DNALI1: variants seen among roughly 807,000 people sequenced by gnomAD.
DNALI1 encodes the protein axonemal dynein light intermediate polypeptide 1.
A neutral mutation model predicts 33.9 loss-of-function variants in DNALI1; 31 were observed. That is an observed-to-expected ratio of 0.91 (90% CI 0.69 to 1.23). DNALI1 has a LOEUF of 1.23. DNALI1 is among the 50% of genes most tolerant of loss of function. The pLI is 0.00. For missense variants in DNALI1, 305 were observed against 323.8 expected (o/e 0.94, Z 0.44); for synonymous variants, 117 against 129.2 (o/e 0.91, Z 0.64).
Position 37,561,710 on chromosome 1 carries a change from AG to A in DNALI1, c.555del (p.Lys186SerfsTer22). 1 of 1,614,026 alleles carries A rather than the reference AG, an allele frequency of 6.2e-7. No individual in the cohort carries two copies. Among genetic ancestry groups the A allele is most frequent in the Non-Finnish European group, 8.5e-7 (1 of 1,179,922 alleles). ...FGMRKALQAEQGKSDMERKIA... is the reference protein window; with the variant it reads ...FGMRKALQAEXGKSDMERKIA... ...ATGAGGAAGGCACTGCAGGCTGAGC[AG>A]GGGAAGTCAGACATGGAGAGGAAAG... On this transcript the variant is annotated frameshift_variant, in exon 4 of 6. Transcript: ENST00000652629. LOFTEE classifies it high-confidence loss of function. This position sits in a 1 kb window ranked among gnomAD's most constrained non-coding sequence, Gnocchi z 4.6.
intron 2 of DNALI1, among the ~76,000 whole-genome samples, chr1:37,558,562 CT>C (rs1643400003): frequency 1.3e-5 from 2 of 152,298 alleles, no homozygotes; most frequent in African/African-American, 4.8e-5. Flanking sequence ...TATTCTGTTT[CT>C]TGTTCACTGT....
chr1:37,557,943 G>C, intron 2 of DNALI1, 195 bp downstream of exon 2: 1 of 679,606 alleles, frequency 1.5e-6, no homozygotes, highest in Admixed American at 3.2e-5. Context: ...CTCATTTCCT[G>C]CATGCTGTCA....
In DNALI1 at chr1:37,559,230, A is replaced by G; in HGVS notation, c.228-97A>G. 1 of 1,318,578 alleles carries G rather than the reference A, an allele frequency of 7.6e-7. No homozygotes were observed. Among genetic ancestry groups the G allele is most frequent in the Non-Finnish European group, 1.0e-6 (1 of 982,040 alleles). 81.7% of individuals were successfully genotyped at this position (1,318,578 alleles called of 1,614,324 possible). A position where few individuals can be genotyped will look rare whatever the true frequency, so the allele number is the denominator to read the frequency against. On this transcript the variant is annotated intron_variant, in intron 2 of 5. Transcript: ENST00000652629. The surrounding 1 kb of genome is among the most constrained non-coding windows in gnomAD (Gnocchi z 5.3). ...TGGGTTGGTGGCAAAGCTGCCCCTC[A>G]CCACTACTCAGGCAGAGGGCTCAAA...
rs751853936 is a variant in DNALI1 at position 37,557,747 on chromosome 1, A to C, written c.226A>C (p.Arg76=). Residue 76 remains arginine (R), a splice_region_variant and synonymous_variant, in exon 2 of 6, where the codon AGG becomes CGG. Coordinates refer to ENST00000652629, the MANE Select transcript of DNALI1 (RefSeq NM_003462.5). The stretch of plus-strand genomic sequence containing the variant: ...AATCTTGAATGCCATACTACCCCCA[A>C]GGTAAGAAAGTAGGAGCAGTGGCTG... ...EEILNAILPP[R]EWVEDTQLWI... is the part of the protein sequence containing the mutation. 9.9e-6 allele frequency: 16 copies of C among 1,613,656 alleles called. No individual in the cohort carries two copies. Among genetic ancestry groups the C allele is most frequent in the Non-Finnish European group, 1.4e-5 (16 of 1,179,790 alleles).
At position 37,566,680 on chromosome 1, in the gene DNALI1, T is replaced by A; in HGVS notation, c.*1619T>A. 1.6e-6 allele frequency: 1 copy of A among 612,352 alleles called. No homozygotes were observed. Among genetic ancestry groups the A allele is most frequent in the South Asian group, 2.1e-5 (1 of 47,126 alleles). 37.9% of individuals were successfully genotyped at this position (612,352 alleles called of 1,614,324 possible). ...CTGAAGTGCTAGACTTTCAGACTCT[T>A]ATCACTGAAATCCTTAAGGTTGAGG... On this transcript the variant is annotated 3_prime_UTR_variant, in exon 6 of 6. Coordinates refer to ENST00000652629, the MANE Select transcript of DNALI1 (RefSeq NM_003462.5).
chr1:37,562,775 T>C lies in DNALI1; in HGVS notation c.741+530T>C, dbSNP rs1303192493. Among the ~76,000 whole-genome samples the C allele has an allele frequency of 6.6e-6, 1 of 152,098 alleles. No homozygotes were observed. The highest frequency in any genetic ancestry group is 1.5e-5 in the Non-Finnish European group (1 of 68,016). ...ACAGGTGCTCTTCCTCGAAGTCCGA[T>C]GCCAGCAGTGGTCTTTTATCCAGCT... On this transcript the variant is annotated intron_variant, in intron 5 of 5. Coordinates refer to ENST00000652629, the MANE Select transcript of DNALI1 (RefSeq NM_003462.5). The surrounding 1 kb of genome is among the most constrained non-coding windows in gnomAD (Gnocchi z 5.8).
chr1:37,559,342 C>CA lies in DNALI1; in HGVS notation c.244dup (p.Thr82AsnfsTer13). On this transcript the variant is annotated frameshift_variant, in exon 3 of 6. Coordinates refer to ENST00000652629, the MANE Select transcript of DNALI1 (RefSeq NM_003462.5). LOFTEE classifies it high-confidence loss of function. This position sits in a 1 kb window ranked among gnomAD's most constrained non-coding sequence, Gnocchi z 5.3. ...TCTGCCACAGGGAGTGGGTGGAAGA[C>CA]ACGCAGCTATGGATCCAGCAGGTGT... 3 of 1,605,026 alleles carry CA rather than the reference C, an allele frequency of 1.9e-6. No individual in the cohort carries two copies. Among genetic ancestry groups the CA allele is most frequent in the Non-Finnish European group, 2.6e-6 (3 of 1,175,926 alleles).
chr1:37,562,382 T>C lies in DNALI1; in HGVS notation c.741+137T>C. On this transcript the variant is annotated intron_variant, in intron 5 of 5. Transcript: ENST00000652629. This position sits in a 1 kb window ranked among gnomAD's most constrained non-coding sequence, Gnocchi z 5.8. ...GCCAAAGGATAAAGGAAGCTGACTT[T>C]GGTGGTGGGAGAAGGGGAGGGCTCC... 2 of 1,233,340 alleles carry C rather than the reference T, an allele frequency of 1.6e-6. No individual in the cohort carries two copies. The highest frequency in any genetic ancestry group is 2.2e-6 in the Non-Finnish European group (2 of 905,658). The allele number at this position is 1,233,340 out of a possible 1,614,324, so 76.4% of individuals were successfully genotyped here. A position where few individuals can be genotyped will look rare whatever the true frequency, so the allele number is the denominator to read the frequency against.
At chr1:37,564,356 A>T (rs1643474005) in intron 5 of DNALI1, among the ~76,000 whole-genome samples, 1 of 151,616 alleles carries the variant, frequency 6.6e-6, no homozygotes, top group Non-Finnish European at 1.5e-5. Flanking sequence ...GTCCCAGCAG[A>T]ACTCCCAGGA....
chr1:37,565,345 A>T lies in DNALI1; in HGVS notation c.*284A>T. ...TGTGGCTTACTAGCCAGCCTTGGGAACTGCCAACTCAAATTCTAAGAAAGC... is the reference window on the plus strand; with the variant it reads ...TGTGGCTTACTAGCCAGCCTTGGGATCTGCCAACTCAAATTCTAAGAAAGC... On this transcript the variant is annotated 3_prime_UTR_variant, in exon 6 of 6. Transcript: ENST00000652629. 2.2e-6 allele frequency: 1 copy of T among 457,176 alleles called. No homozygotes were observed. 28.3% of individuals were successfully genotyped at this position (457,176 alleles called of 1,614,324 possible).
At position 37,559,843 on chromosome 1, in the gene DNALI1, A is replaced by C. The variant is rs1643416105; in HGVS notation, c.397+347A>C. Reference sequence around the variant, plus strand: ...CCGGCACTGGTCTCTGAGTTTCCTCAGTATTTATTGATTACTATTTTCACT... The same window carrying C: ...CCGGCACTGGTCTCTGAGTTTCCTCCGTATTTATTGATTACTATTTTCACT... On this transcript the variant is annotated intron_variant, in intron 3 of 5. Coordinates refer to ENST00000652629, the MANE Select transcript of DNALI1 (RefSeq NM_003462.5). This position sits in a 1 kb window ranked among gnomAD's most constrained non-coding sequence, Gnocchi z 5.3. Among the ~76,000 whole-genome samples, 1 of 152,240 alleles carries C rather than the reference A, an allele frequency of 6.6e-6. No individual in the cohort carries two copies. Among genetic ancestry groups the C allele is most frequent in the African/African-American group, 2.4e-5 (1 of 41,462 alleles).
chr1:37,558,782 T>C (rs1643401604), intron 2 of DNALI1, among the ~76,000 whole-genome samples: 1 of 152,260 alleles, frequency 6.6e-6, no homozygotes, highest in Admixed American at 6.5e-5. Context: ...GCTTTTTTCT[T>C]CTGCAGCCAC....
chr1:37,556,998 A>T lies in DNALI1; in HGVS notation c.4A>T (p.Ile2Phe). Residue 2 changes from isoleucine (I) to phenylalanine (F), a missense_variant, in exon 1 of 6, where the codon ATT (isoleucine) becomes TTT (phenylalanine). Physicochemically the swap from Ile to Phe is conservative, Grantham distance 21. Coordinates refer to ENST00000652629, the MANE Select transcript of DNALI1 (RefSeq NM_003462.5). M[I>F]PPADSLLKYD... ...GGTTGCTACTCTCGCCTCCGCCATG[A>T]TTCCGCCCGCAGACTCTTTGCTCAA... 6.2e-7 allele frequency: 1 copy of T among 1,614,186 alleles called. No homozygotes were observed. Among genetic ancestry groups the T allele is most frequent in the Non-Finnish European group, 8.5e-7 (1 of 1,180,020 alleles).
intron 5 of DNALI1, among the ~76,000 whole-genome samples, chr1:37,564,663 G>A (rs1247196448): frequency 6.6e-6 from 1 of 152,192 alleles, no homozygotes; most frequent in Non-Finnish European, 1.5e-5. Context: ...TTACAGGAAT[G>A]AGCCACTGCG....
chr1:37,561,500 T>C lies in DNALI1; in HGVS notation c.398-57T>C, dbSNP rs928946997. On this transcript the variant is annotated intron_variant, in intron 3 of 5. Coordinates refer to ENST00000652629, the MANE Select transcript of DNALI1 (RefSeq NM_003462.5). This position sits in a 1 kb window ranked among gnomAD's most constrained non-coding sequence, Gnocchi z 4.6. ...AGAGGAAGGGTGTTTGCAGTAGACA[T>C]ACTGCAAGCCCCCTCCCCACGCCCT... 36 of 1,579,658 alleles carry C rather than the reference T, an allele frequency of 2.3e-5. No homozygotes were observed. Among genetic ancestry groups the C allele is most frequent in the South Asian group, 1.6e-4 (14 of 86,554 alleles).
chr1:37,561,971 G>A lies in DNALI1; in HGVS notation c.577-110G>A, dbSNP rs1410332444. ...CATGCCAGGCACTGACCTCCCACTG[G>A]GTGGCAGTATATACCCTGGCAATGT... On this transcript the variant is annotated intron_variant, in intron 4 of 5. Transcript: ENST00000652629. This position sits in a 1 kb window ranked among gnomAD's most constrained non-coding sequence, Gnocchi z 4.6. 2.6e-6 allele frequency: 4 copies of A among 1,514,412 alleles called. No individual in the cohort carries two copies. In the African/African-American group the frequency reaches 5.5e-5, roughly 21 times the overall value. 93.8% of individuals were successfully genotyped at this position (1,514,412 alleles called of 1,614,324 possible). A position where few individuals can be genotyped will look rare whatever the true frequency, so the allele number is the denominator to read the frequency against.
chr1:37,557,637 G>T lies in DNALI1; in HGVS notation c.116G>T (p.Gly39Val). The T allele has an allele frequency of 6.2e-7, 1 of 1,613,896 alleles. No homozygotes were observed. The highest frequency in any genetic ancestry group is 8.5e-7 in the Non-Finnish European group (1 of 1,179,902). Residue 39 changes from glycine to valine, a missense_variant, in exon 2 of 6, where the codon GGA becomes GTA. By Grantham distance (109) the Gly-to-Val change is moderately radical. Transcript: ENST00000652629. ...RLLKVSPQQP[G>V]PSGSAPQPPK... Reference sequence around the variant, plus strand: ...CTGAAAGTCAGCCCCCAGCAGCCTGGACCTTCAGGTTCAGCCCCACAGCCA... The same window carrying T: ...CTGAAAGTCAGCCCCCAGCAGCCTGTACCTTCAGGTTCAGCCCCACAGCCA...
At chr1:37,557,814 G>C (rs747170907) in intron 2 of DNALI1, 66 bp downstream of exon 2, 441 of 1,595,092 alleles carry the variant, frequency 2.8e-4, no homozygotes, top group Non-Finnish European at 3.5e-4. Flanking sequence ...TTGGGAGTGT[G>C]GGGGGAGGCA....
chr1:37,565,173 A>C lies in DNALI1; in HGVS notation c.*112A>C. Reference sequence around the variant, plus strand: ...TTTGTAATAAAAAGCTAGTTTCCTGAGTGAACAAGCCATAACCTCCCCTAA... The same window carrying C: ...TTTGTAATAAAAAGCTAGTTTCCTGCGTGAACAAGCCATAACCTCCCCTAA... On this transcript the variant is annotated 3_prime_UTR_variant, in exon 6 of 6. Coordinates refer to ENST00000652629, the MANE Select transcript of DNALI1 (RefSeq NM_003462.5). 1 of 1,256,968 alleles carries C rather than the reference A, an allele frequency of 8.0e-7. No individual in the cohort carries two copies. Among genetic ancestry groups the C allele is most frequent in the Non-Finnish European group, 1.1e-6 (1 of 888,010 alleles). 77.9% of individuals were successfully genotyped at this position (1,256,968 alleles called of 1,614,324 possible).
Sources: gnomAD v4.1 joint callset for allele counts (sites outside exome capture counted in the v4.1 genomes callset) on GRCh38, gnomAD v4.1.1 for gene constraint, Gnocchi (gnomAD v3.1) non-coding constraint, MANE v1.5 for transcripts, NCBI Gene and HGNC (gene_info 2026-07-23, HGNC 2026-07-21) for gene names.